CCDC171: variants seen among roughly 807,000 people sequenced by gnomAD.
CCDC171 encodes coiled-coil domain-containing protein 171.
A neutral mutation model predicts 168.2 loss-of-function variants in CCDC171; 177 were observed. The observed-to-expected ratio is 1.05, with a 90% CI of 0.93 to 1.19. CCDC171 has a LOEUF of 1.19. Ranked by LOEUF, CCDC171 falls within the 50% of genes most tolerant of loss-of-function variation. The pLI, the probability that CCDC171 is intolerant of heterozygous loss-of-function variation, is 0.00. For synonymous variants in CCDC171, 687 were observed against 540.8 expected (o/e 1.27, Z -3.75); for missense variants, 1,991 against 1,539.0 (o/e 1.29, Z -4.91).
At chr9:15,890,139 C>T (rs770215) in intron 24 of CCDC171, among the ~76,000 whole-genome samples, 1 of 151,612 alleles carries the variant, frequency 6.6e-6, no homozygotes. Flanking sequence ...TTGCGCTGTA[C>T]TCTGGGACAC....
At chr9:15,849,697 C>G (rs1056093399) in intron 23 of CCDC171, among the ~76,000 whole-genome samples, 2 of 151,672 alleles carry the variant, frequency 1.3e-5, no homozygotes, top group African/African-American at 4.8e-5. Context: ...GAAATGCAAA[C>G]ATTAAGTACT....
intron 24 of CCDC171, among the ~76,000 whole-genome samples, chr9:15,881,964 T>C (rs1003118230): frequency 6.6e-6 from 1 of 152,196 alleles, no homozygotes; most frequent in African/African-American, 2.4e-5. Context: ...TACCCAGTAG[T>C]GGAGTTACTG....
intron 7 of CCDC171, among the ~76,000 whole-genome samples, chr9:15,623,912 A>T (rs1351328182): frequency 6.6e-6 from 1 of 152,220 alleles, no homozygotes; most frequent in African/African-American, 2.4e-5. Flanking sequence ...TTCGTGAATG[A>T]TACTGAAAAT....
chr9:15,716,517 A>G (rs548634660), intron 11 of CCDC171, among the ~76,000 whole-genome samples: 1 of 151,566 alleles, frequency 6.6e-6, no homozygotes, highest in South Asian at 2.1e-4. Context: ...TTTCTTTTTT[A>G]TAATAAATTT....
At chr9:15,870,850 A>G (rs934878796) in intron 23 of CCDC171, among the ~76,000 whole-genome samples, 9 of 151,394 alleles carry the variant, frequency 5.9e-5, no homozygotes, top group African/African-American at 2.2e-4. Context: ...ACTTGTGAGT[A>G]AAGGCTAATC....
intron 8 of CCDC171, among the ~76,000 whole-genome samples, chr9:15,662,247 A>C (rs2048373632): frequency 6.6e-6 from 1 of 152,224 alleles, no homozygotes; most frequent in Non-Finnish European, 1.5e-5. Flanking sequence ...ACTGCACTCC[A>C]GCCTGGGTGA....
chr9:15,761,911 T>A (rs1294557352), intron 18 of CCDC171, among the ~76,000 whole-genome samples: 1 of 152,214 alleles, frequency 6.6e-6, no homozygotes, highest in Non-Finnish European at 1.5e-5. Flanking sequence ...ACAGATATTT[T>A]GTATTTTAAA....
At position 16,011,410 on chromosome 9, in the gene CCDC171, T is replaced by C. The variant is rs540912031; in HGVS notation, n.369-9179T>C. Among the ~76,000 whole-genome samples, 8 of 29,916 alleles carry C rather than the reference T, an allele frequency of 2.7e-4. No individual in the cohort carries two copies. In the East Asian group the frequency reaches 3.7e-3, roughly 14 times the overall value. The allele number at this position is 29,916 out of a possible 152,430, so 19.6% of individuals were successfully genotyped here. A position where few individuals can be genotyped will look rare whatever the true frequency, so the allele number is the denominator to read the frequency against. On this transcript the variant is annotated intron_variant and non_coding_transcript_variant, in intron 3 of 9. Coordinates refer to the CCDC171 transcript ENST00000486641. ...TAATGGTGTGAAAAATGCTGTTTTTTACTTTTTTTTTGCAGCAAAATTCTC... is the reference window on the plus strand; with the variant it reads ...TAATGGTGTGAAAAATGCTGTTTTTCACTTTTTTTTTGCAGCAAAATTCTC...
chr9:15,624,749 T>A (rs1316417488), intron 7 of CCDC171, among the ~76,000 whole-genome samples: 1 of 152,196 alleles, frequency 6.6e-6, no homozygotes, highest in Non-Finnish European at 1.5e-5. Context: ...TCTTTGCTAT[T>A]GTGAATAGTG....
chr9:15,905,282 C>G (rs1822387246), intron 24 of CCDC171, among the ~76,000 whole-genome samples: 1 of 152,180 alleles, frequency 6.6e-6, no homozygotes. Context: ...GTAAAGCACT[C>G]CTCAGCAAAT....
chr9:16,068,637 A>T, the CCDC171 span, among the ~76,000 whole-genome samples: 1 of 152,224 alleles, frequency 6.6e-6, no homozygotes, highest in South Asian at 2.1e-4. Flanking sequence ...CTTCCTCAGC[A>T]TGGGGGTTAA....
chr9:15,939,073 T>G (rs1213518535), intron 25 of CCDC171, among the ~76,000 whole-genome samples: 5 of 151,500 alleles, frequency 3.3e-5, no homozygotes, highest in African/African-American at 1.2e-4. Context: ...TGGTTTTGCC[T>G]CTTCTTGATA....
chr9:15,698,324 A>C (rs1324362404), intron 11 of CCDC171, among the ~76,000 whole-genome samples: 1 of 152,088 alleles, frequency 6.6e-6, no homozygotes, highest in Non-Finnish European at 1.5e-5. Context: ...GATTGAGACC[A>C]TCCTGGCTAA....
chr9:15,793,237 A>G (rs1588531710), intron 21 of CCDC171, among the ~76,000 whole-genome samples: 2 of 152,102 alleles, frequency 1.3e-5, no homozygotes, highest in East Asian at 3.9e-4. Flanking sequence ...AGGCCATTAC[A>G]TAATGGTAAA....
intron 3 of CCDC171, among the ~76,000 whole-genome samples, chr9:16,005,756 C>G (rs1374055626): frequency 6.6e-6 from 1 of 151,972 alleles, no homozygotes; most frequent in Non-Finnish European, 1.5e-5. Context: ...TTTATAAGGG[C>G]CTTGAGCATC....
At chr9:16,058,780 G>A (rs1427589732) in intron 1 of CCDC171, among the ~76,000 whole-genome samples, 2 of 152,180 alleles carry the variant, frequency 1.3e-5, no homozygotes, top group East Asian at 1.9e-4. Context: ...TGTCTCAACT[G>A]AGCTTCTTAT....
chr9:15,887,308 TGTAGA>T (rs1819562885), intron 24 of CCDC171, among the ~76,000 whole-genome samples: 1 of 152,128 alleles, frequency 6.6e-6, no homozygotes. Flanking sequence ...ACCAGTGAAA[TGTAGA>T]GTAATTTTAG....
intron 11 of CCDC171, among the ~76,000 whole-genome samples, chr9:15,713,277 G>A (rs1048825889): frequency 6.6e-6 from 1 of 151,068 alleles, no homozygotes; most frequent in African/African-American, 2.4e-5. Flanking sequence ...TTTGAATCAT[G>A]TCACCATAAC....
chr9:15,594,018 A>T (rs760662044), intron 5 of CCDC171, 23 bp from the exon 6 acceptor site: 1 of 1,542,656 alleles, frequency 6.5e-7, no homozygotes, highest in Non-Finnish European at 8.8e-7. Flanking sequence ...CTAACAGTAA[A>T]GCAAGATTTT....
Sources: allele counts gnomAD v4.1 joint callset (sites outside exome capture counted in the v4.1 genomes callset), GRCh38; gene constraint gnomAD v4.1.1; transcripts MANE v1.5; gene names NCBI Gene and HGNC (gene_info 2026-07-23, HGNC 2026-07-21).